CRISP2: variants seen among roughly 807,000 people sequenced by gnomAD.
The protein encoded by CRISP2 is cysteine-rich secretory protein 2.
In CRISP2, 29 loss-of-function variants were observed where a neutral mutation model predicts 31.7. The observed-to-expected ratio is 0.92, with a 90% CI of 0.68 to 1.25. The LOEUF (loss-of-function observed/expected upper bound fraction) is 1.25, where lower values mean the gene tolerates loss of function less well. Among genes scored for constraint, CRISP2 ranks in the 50% most tolerant of loss-of-function variants. The pLI, the probability that CRISP2 is intolerant of heterozygous loss-of-function variation, is 0.00. For missense variants in CRISP2, 318 were observed against 286.5 expected (o/e 1.11, Z -0.79); for synonymous variants, 111 against 101.4 (o/e 1.09, Z -0.57).
intron 4 of CRISP2, among the ~76,000 whole-genome samples, chr6:49,708,328 CA>C (rs1767421737): frequency 1.3e-5 from 2 of 152,002 alleles, no homozygotes; most frequent in Admixed American, 6.6e-5. Flanking sequence ...TGGTAGACTC[CA>C]AAAAGACATG....
downstream of CRISP2, among the ~76,000 whole-genome samples, chr6:49,687,495 T>C (rs1249897512): frequency 6.6e-6 from 1 of 152,216 alleles, no homozygotes. Flanking sequence ...AAATTTTCTA[T>C]GCAGAAACTT....
At chr6:49,699,187 T>C (rs1356393714) in intron 6 of CRISP2, among the ~76,000 whole-genome samples, 1 of 152,014 alleles carries the variant, frequency 6.6e-6, no homozygotes, top group Non-Finnish European at 1.5e-5. Context: ...CTGTGCATTG[T>C]AGGTATCCAG....
In CRISP2 at chr6:49,711,312, T is replaced by C. The variant is rs1057210998; in HGVS notation, c.-37A>G. 2.0e-5 allele frequency: 3 copies of C among 152,224 alleles called. No individual in the cohort carries two copies. Among genetic ancestry groups the C allele is most frequent in the Non-Finnish European group, 4.4e-5 (3 of 68,046 alleles). 9.4% of individuals were successfully genotyped at this position (152,224 alleles called of 1,614,324 possible). ...TTGGTTTTCTGAGCAGGATGAAATATCTACTTTATCTTTAGAAAGAAAGAA... is the reference window on the plus strand; with the variant it reads ...TTGGTTTTCTGAGCAGGATGAAATACCTACTTTATCTTTAGAAAGAAAGAA... On this transcript the variant is annotated 5_prime_UTR_variant, in exon 3 of 10. Transcript: ENST00000339139.
chr6:49,703,983 A>T (rs1561882614), intron 4 of CRISP2, among the ~76,000 whole-genome samples: 1 of 152,148 alleles, frequency 6.6e-6, no homozygotes, highest in South Asian at 2.1e-4. Flanking sequence ...TTCCCCAGGA[A>T]CATCAATTAT....
the CRISP2 span, among the ~76,000 whole-genome samples, chr6:49,683,732 T>C: frequency 8.7e-6 from 1 of 114,900 alleles, no homozygotes; most frequent in Non-Finnish European, 1.8e-5. Flanking sequence ...TAGAAGTTGA[T>C]AGGACTAAGT....
chr6:49,682,737 CT>C, the CRISP2 span, among the ~76,000 whole-genome samples: 6 of 129,664 alleles, frequency 4.6e-5, no homozygotes, highest in South Asian at 7.8e-4. Flanking sequence ...CTTTTTCTTT[CT>C]TTTTTCTTCC....
chr6:49,688,450 A>G (rs568572054), downstream of CRISP2, among the ~76,000 whole-genome samples: 29 of 152,312 alleles, frequency 1.9e-4, 1 homozygote, highest in East Asian at 5.6e-3. Flanking sequence ...AATTAGGAAA[A>G]TACATTAAAA....
intron 4 of CRISP2, among the ~76,000 whole-genome samples, chr6:49,701,942 TG>T (rs1766009914): frequency 1.6e-3 from 2 of 1,270 alleles, no homozygotes; most frequent in Non-Finnish European, 2.7e-3. Flanking sequence ...ATATAATATA[TG>T]TAATATAATA....
In CRISP2 at chr6:49,692,866, GTTAC is replaced by G. The variant is rs1424108474; in HGVS notation, c.635_638del (p.Ser212ThrfsTer5). 3 of 1,613,594 alleles carry G rather than the reference GTTAC, an allele frequency of 1.9e-6. No homozygotes were observed. In the African/African-American group the frequency reaches 4.0e-5, roughly 22 times the overall value. ...CAGCTGTATTCTTCAAGGAATCACA[GTTAC>G]TTAGGAGATCTTGATACTGGCAACT... On this transcript the variant is annotated frameshift_variant, in exon 10 of 10. Coordinates refer to ENST00000339139, the MANE Select transcript of CRISP2 (RefSeq NM_003296.4). LOFTEE classifies it low-confidence loss of function (END_TRUNC).
the CRISP2 span, among the ~76,000 whole-genome samples, chr6:49,685,636 CAT>C: frequency 2.0e-5 from 3 of 152,148 alleles, no homozygotes; most frequent in African/African-American, 7.2e-5. Flanking sequence ...ACTACTAACT[CAT>C]GTGTCTATGG....
chr6:49,692,223 C>T (rs1764090804), downstream of CRISP2: 1 of 150,926 alleles, frequency 6.6e-6, no homozygotes, highest in Non-Finnish European at 1.5e-5. Context: ...TATCATTTAT[C>T]TCAGATGAAT....
chr6:49,701,500 G>C lies in CRISP2; in HGVS notation c.67-716C>G, dbSNP rs1089536. Among the ~76,000 whole-genome samples the C allele has an allele frequency of 2.8e-4, 13 of 46,556 alleles. 2 individuals are homozygous for C. The highest frequency in any genetic ancestry group is 1.3e-3 in the African/African-American group (13 of 9,730). 30.5% of individuals were successfully genotyped at this position (46,556 alleles called of 152,430 possible). A position where few individuals can be genotyped will look rare whatever the true frequency, so the allele number is the denominator to read the frequency against. On this transcript the variant is annotated intron_variant, in intron 4 of 9. Coordinates refer to ENST00000339139, the MANE Select transcript of CRISP2 (RefSeq NM_003296.4). The stretch of plus-strand genomic sequence containing the variant: ...AGCAGTATTACGTGTGTGTGTGTGT[G>C]TATATATATATATATATATATATAT...
chr6:49,704,624 C>G (rs1478155818), intron 4 of CRISP2, among the ~76,000 whole-genome samples: 1 of 152,120 alleles, frequency 6.6e-6, no homozygotes. Flanking sequence ...TCTTCGGGGT[C>G]TAGCGACCCA....
chr6:49,702,139 C>CATATATATATATGTGTACA (rs751022904), intron 4 of CRISP2, among the ~76,000 whole-genome samples: 7 of 91,528 alleles, frequency 7.6e-5, no homozygotes, highest in African/African-American at 2.9e-4. Context: ...TATATGTGTA[C>CATATATATATATGTGTACA]TATATATATA....
At chr6:49,703,734 A>G (rs1466582850) in intron 4 of CRISP2, among the ~76,000 whole-genome samples, 1 of 152,124 alleles carries the variant, frequency 6.6e-6, no homozygotes, top group Non-Finnish European at 1.5e-5. Context: ...GGTTAATCTG[A>G]TAGGTTTTCC....
At chr6:49,679,091 T>C in the CRISP2 span, among the ~76,000 whole-genome samples, 8 of 152,198 alleles carry the variant, frequency 5.3e-5, no homozygotes, top group East Asian at 1.9e-4. Flanking sequence ...GAGACTTTTA[T>C]TGAGTGAACA....
At chr6:49,704,931 G>A (rs1288587389) in intron 4 of CRISP2, among the ~76,000 whole-genome samples, 3 of 152,178 alleles carry the variant, frequency 2.0e-5, no homozygotes, top group Non-Finnish European at 4.4e-5. Flanking sequence ...TTGGAGTAGA[G>A]TTGTTCTGAG....
the CRISP2 span, among the ~76,000 whole-genome samples, chr6:49,687,162 C>T: frequency 3.9e-5 from 6 of 152,084 alleles, no homozygotes; most frequent in African/African-American, 1.4e-4. Context: ...TGTAACAAAC[C>T]TGCACATTGT....
chr6:49,684,055 G>A, the CRISP2 span, among the ~76,000 whole-genome samples: 1 of 151,758 alleles, frequency 6.6e-6, no homozygotes, highest in South Asian at 2.1e-4. Flanking sequence ...ATTGTATCTG[G>A]GCAAAGTACT....
Sources: allele counts gnomAD v4.1 joint callset (sites outside exome capture counted in the v4.1 genomes callset), GRCh38; gene constraint gnomAD v4.1.1; transcripts MANE v1.5; gene names NCBI Gene and HGNC (gene_info 2026-07-23, HGNC 2026-07-21).